The following ZNF143 variants were observed in gnomAD, a reference collection of about 807,000 sequenced individuals.
The protein encoded by ZNF143 is zinc finger protein 143.
A neutral mutation model predicts 74.1 loss-of-function variants in ZNF143; 49 were observed. The observed-to-expected ratio is 0.66, with a 90% CI of 0.53 to 0.84. ZNF143 has a LOEUF of 0.84. Among genes scored for constraint, ZNF143 ranks in the 40% least tolerant of loss-of-function variants. The probability of loss-of-function intolerance (pLI) is 0.00; values close to 1 mark genes in which losing one functional copy is unlikely to be tolerated. For synonymous variants in ZNF143, 304 were observed against 282.8 expected, an observed-to-expected ratio of 1.07 and a Z score of -0.75; for missense variants, 637 against 793.4, an observed-to-expected ratio of 0.80 and a Z score of 2.37.
intron 3 of ZNF143, among the ~76,000 whole-genome samples, chr11:9,473,143 C>A (rs1050194982): frequency 6.6e-6 from 1 of 152,118 alleles, no homozygotes; most frequent in East Asian, 1.9e-4. Flanking sequence ...GTAATCCCAA[C>A]GCTTTGGAAG....
intron 12 of ZNF143, among the ~76,000 whole-genome samples, chr11:9,511,251 A>G (rs1368283855): frequency 6.7e-6 from 1 of 150,032 alleles, no homozygotes; most frequent in Non-Finnish European, 1.5e-5. Flanking sequence ...AGCTGGTATT[A>G]CAGGCATGCT....
intron 7 of ZNF143, among the ~76,000 whole-genome samples, chr11:9,482,189 C>T (rs1454506600): frequency 3.3e-5 from 5 of 149,474 alleles, no homozygotes; most frequent in African/African-American, 7.5e-5. Context: ...CCAGGATGGT[C>T]TCGATCTCCT....
intron 7 of ZNF143, among the ~76,000 whole-genome samples, chr11:9,491,975 G>T (rs1335574589): frequency 1.3e-5 from 2 of 152,000 alleles, no homozygotes; most frequent in Non-Finnish European, 2.9e-5. Flanking sequence ...ATGGAGTTTT[G>T]CTCTTATTGC....
rs967023741 is a variant in ZNF143 at position 9,523,488 on chromosome 11, C to T, written c.1687-1752C>T. Among the ~76,000 whole-genome samples the T allele has an allele frequency of 1.6e-4, 25 of 152,238 alleles. No homozygotes were observed. The South Asian group carries it at 5.2e-3, about 32-fold the overall frequency. ...GTGGCTCACGCCTGTAATCCCAGCA[C>T]TTTGGGAGGCTGAGGCGGGCGGATC... is the stretch of plus-strand genomic sequence containing the variant. On this transcript the variant is annotated intron_variant, in intron 14 of 15. Transcript: ENST00000396602.
intron 6 of ZNF143, among the ~76,000 whole-genome samples, chr11:9,478,980 A>G (rs1412633782): frequency 1.3e-5 from 2 of 152,214 alleles, no homozygotes; most frequent in Non-Finnish European, 2.9e-5. Context: ...GGGCTATAAA[A>G]GAAATAATAA....
chr11:9,502,241 CTTTTTT>C (rs1183629630), intron 11 of ZNF143, among the ~76,000 whole-genome samples: 33 of 56,996 alleles, frequency 5.8e-4, no homozygotes, highest in East Asian at 4.4e-3. Context: ...TGGCCATATT[CTTTTTT>C]TTTTTTTTTT....
intron 7 of ZNF143, among the ~76,000 whole-genome samples, chr11:9,486,439 A>T (rs369167540): frequency 0.016 from 371 of 23,002 alleles, 11 homozygotes; most frequent in Middle Eastern, 0.059. Flanking sequence ...TTATATATAT[A>T]ATATATTATA....
chr11:9,468,461 T>C (rs1856375753), intron 1 of ZNF143, among the ~76,000 whole-genome samples: 2 of 152,204 alleles, frequency 1.3e-5, no homozygotes, highest in South Asian at 4.1e-4. Flanking sequence ...AGTTTTTGAA[T>C]AGTCCTGGAA....
intron 5 of ZNF143, among the ~76,000 whole-genome samples, chr11:9,477,159 CTTCCT>C (rs1856964632): frequency 1.4e-5 from 2 of 141,392 alleles, no homozygotes; most frequent in African/African-American, 5.5e-5. Context: ...TCCTTCCTTC[CTTCCT>C]TCCTTCCTCC....
At chr11:9,498,355 G>A (rs549701304) in intron 10 of ZNF143, among the ~76,000 whole-genome samples, 4 of 152,300 alleles carry the variant, frequency 2.6e-5, no homozygotes, top group Admixed American at 1.3e-4. Flanking sequence ...AGCTCTCTCA[G>A]GTTTTAGTTG....
At position 9,508,720 on chromosome 11, in the gene ZNF143, T is replaced by TA; in HGVS notation, c.1250dup (p.Tyr417Ter). ...TGTTGTCCACACTCATTCCAAACCT[T>TA]ACAACTGTAACCACTGTGGGAAGAC... ...HHVVHTHSKP[Y>*]NCNHCGKTYK... is the part of the protein sequence containing the mutation. The change falls in exon 12 of 16, where the codon TAC (tyrosine) becomes TAAC (stop). Residue 417 changes from tyrosine (Y) to a stop codon, truncating the protein, a stop_gained and frameshift_variant. Coordinates refer to ENST00000396602, the MANE Select transcript of ZNF143 (RefSeq NM_003442.6). LOFTEE classifies it high-confidence loss of function. 1 of 1,614,084 alleles carries TA rather than the reference T, an allele frequency of 6.2e-7. No individual in the cohort carries two copies. The highest frequency in any genetic ancestry group is 2.2e-5 in the East Asian group (1 of 44,884).
At chr11:9,481,589 A>G (rs760703512) in intron 7 of ZNF143, among the ~76,000 whole-genome samples, 1 of 152,102 alleles carries the variant, frequency 6.6e-6, no homozygotes, top group Admixed American at 6.6e-5. Context: ...AGAATATTTT[A>G]AAGAAAAGCA....
chr11:9,492,804 T>TA (rs2134033196), intron 7 of ZNF143, among the ~76,000 whole-genome samples: 1 of 152,252 alleles, frequency 6.6e-6, no homozygotes, highest in East Asian at 1.9e-4. Context: ...AAGTAGCTGA[T>TA]AGACTAATAG....
chr11:9,470,881 A>G (rs756241201), intron 1 of ZNF143, among the ~76,000 whole-genome samples: 3 of 152,076 alleles, frequency 2.0e-5, no homozygotes, highest in Non-Finnish European at 2.9e-5. Context: ...TGTGGCTTAG[A>G]TCAGGGAAGT....
chr11:9,512,437 GT>G lies in ZNF143; in HGVS notation c.1376-7del. The G allele has an allele frequency of 6.2e-7, 1 of 1,609,270 alleles. No homozygotes were observed. Among genetic ancestry groups the G allele is most frequent in the Non-Finnish European group, 8.5e-7 (1 of 1,177,048 alleles). ...GGTTGGTCAAATAAATGATTCATTT[GT>G]TTTAAACAGGTCAAGGTGAAGATGT... On this transcript the variant is annotated splice_polypyrimidine_tract_variant and intron_variant, in intron 12 of 15. Transcript: ENST00000396602.
At chr11:9,510,732 A>G (rs1848512142) in intron 12 of ZNF143, among the ~76,000 whole-genome samples, 1 of 149,208 alleles carries the variant, frequency 6.7e-6, no homozygotes. Context: ...TGAGGGGGAA[A>G]CATTTTTTTT....
chr11:9,473,306 G>A (rs113052817), intron 3 of ZNF143, among the ~76,000 whole-genome samples: 13,441 of 150,794 alleles, frequency 0.089, 852 homozygotes, highest in Non-Finnish European at 0.14. Context: ...CAGGAGAGTC[G>A]CTTGAACCCG....
Position 9,504,673 on chromosome 11 carries a change from C to CTT in ZNF143, c.1147+3421_1147+3422dup, listed in dbSNP as rs869310966. On this transcript the variant is annotated intron_variant, in intron 11 of 15. Coordinates refer to ENST00000396602, the MANE Select transcript of ZNF143 (RefSeq NM_003442.6). ...ATTAAAAGACATTTTTTTCTTTTTT[C>CTT]TTTTTTTTTTTTTTTTTTTGAGACA... Among the ~76,000 whole-genome samples, 116 of 89,452 alleles carry CTT rather than the reference C, an allele frequency of 1.3e-3. 4 individuals carry two copies. Among genetic ancestry groups the CTT allele is most frequent in the African/African-American group, 3.1e-3 (86 of 28,170 alleles). The allele number at this position is 89,452 out of a possible 152,430, so 58.7% of individuals were successfully genotyped here. A position where few individuals can be genotyped will look rare whatever the true frequency, so the allele number is the denominator to read the frequency against.
intron 6 of ZNF143, among the ~76,000 whole-genome samples, chr11:9,478,980 A>C (rs1412633782): frequency 6.6e-6 from 1 of 152,214 alleles, no homozygotes; most frequent in African/African-American, 2.4e-5. Flanking sequence ...GGGCTATAAA[A>C]GAAATAATAA....
Sources: gnomAD v4.1 joint callset for allele counts (sites outside exome capture counted in the v4.1 genomes callset) on GRCh38, gnomAD v4.1.1 for gene constraint, MANE v1.5 for transcripts, NCBI Gene and HGNC (gene_info 2026-07-23, HGNC 2026-07-21) for gene names.